GPD2: variants seen among roughly 807,000 people sequenced by gnomAD.
The protein encoded by GPD2 is glycerol-3-phosphate dehydrogenase, mitochondrial.
GPD2 carries 54 observed loss-of-function variants against 82.4 expected under a neutral mutation model. The observed-to-expected ratio is 0.66, with a 90% CI of 0.53 to 0.82. The LOEUF (loss-of-function observed/expected upper bound fraction) is 0.82. GPD2 is among the 40% of genes least tolerant of loss of function. GPD2 has a pLI of 0.00. For synonymous variants in GPD2, 288 were observed against 306.1 expected, an observed-to-expected ratio of 0.94 and a Z score of 0.62; for missense variants, 748 against 896.2, an observed-to-expected ratio of 0.83 and a Z score of 2.11.
chr2:156,543,807 T>C (rs1466842445), intron 6 of GPD2, among the ~76,000 whole-genome samples: 3 of 152,142 alleles, frequency 2.0e-5, no homozygotes, highest in Admixed American at 6.5e-5. Flanking sequence ...GTGGTGGGCA[T>C]TGAGGCTGTT....
rs143845551 is a variant in GPD2, at chr2:156,489,687, T to TCTTCCTTC, written c.103-6326_103-6319dup. 3.3e-3 allele frequency among the ~76,000 whole-genome samples: 357 copies of TCTTCCTTC among 109,172 alleles called. 10 individuals are homozygous for TCTTCCTTC. Among genetic ancestry groups the TCTTCCTTC allele is most frequent in the African/African-American group, 0.013 (332 of 25,150 alleles). 71.6% of individuals were successfully genotyped at this position (109,172 alleles called of 152,430 possible). On this transcript the variant is annotated intron_variant, in intron 2 of 16. Coordinates refer to ENST00000438166, the MANE Select transcript of GPD2 (RefSeq NM_000408.5). ...CAGGACATAGAGTTTTTTCCTTCCT[T>TCTTCCTTC]CTTCCTTCCTTCCTTCCTTCCTTCC...
the GPD2 span, among the ~76,000 whole-genome samples, chr2:156,410,062 G>A: frequency 1.1e-4 from 16 of 152,210 alleles, no homozygotes; most frequent in Non-Finnish European, 2.4e-4. Context: ...AAGAAAAAAG[G>A]AAGGCTTATA....
chr2:156,514,363 A>C (rs568367831), intron 6 of GPD2, among the ~76,000 whole-genome samples: 2 of 152,144 alleles, frequency 1.3e-5, no homozygotes, highest in Admixed American at 1.3e-4. Context: ...AAAGTCCTAA[A>C]AATTTTGTGA....
chr2:156,506,753 A>C (rs967704775), intron 3 of GPD2, among the ~76,000 whole-genome samples: 6 of 151,660 alleles, frequency 4.0e-5, no homozygotes, highest in African/African-American at 1.2e-4. Flanking sequence ...TCCTACCTCT[A>C]CCCCTCATTC....
chr2:156,405,457 A>C, the GPD2 span, among the ~76,000 whole-genome samples: 3 of 152,248 alleles, frequency 2.0e-5, no homozygotes, highest in African/African-American at 4.8e-5. Flanking sequence ...CTGAGGACGC[A>C]GCCTTAGGGA....
At chr2:156,410,191 C>A in the GPD2 span, among the ~76,000 whole-genome samples, 2 of 152,222 alleles carry the variant, frequency 1.3e-5, no homozygotes, top group Non-Finnish European at 2.9e-5. Context: ...AAGGGCAGCA[C>A]GTCTCACACA....
chr2:156,484,893 A>G (rs892575073), intron 2 of GPD2, among the ~76,000 whole-genome samples: 2 of 152,098 alleles, frequency 1.3e-5, no homozygotes, highest in African/African-American at 4.8e-5. Context: ...CTTGAGCATA[A>G]CTGAAACTCT....
At chr2:156,435,455 G>C (rs1688396733), upstream of GPD2, 1 of 150,148 alleles carries the variant, frequency 6.7e-6, no homozygotes, top group African/African-American at 2.4e-5. Context: ...TTTTTTTTGG[G>C]TGGCGGGGGG....
intron 8 of GPD2, 144 bp from the exon 9 acceptor site, chr2:156,557,245 A>C: frequency 1.5e-6 from 1 of 661,494 alleles, no homozygotes; most frequent in Non-Finnish European, 2.7e-6. Context: ...GAGTTTCTAG[A>C]TTAGGGTAGG....
intron 1 of GPD2, among the ~76,000 whole-genome samples, chr2:156,459,686 C>CAAAAAAAAAAAAAAAAAAAAAAAAAAAAA (rs564494059): frequency 2.6e-5 from 1 of 38,788 alleles, no homozygotes; most frequent in Non-Finnish European, 4.5e-5. Flanking sequence ...GACTCCGTCT[C>CAAAAAAAAAAAAAAAAAAAAAAAAAAAAA]AAAAAAAAAA....
At chr2:156,560,518 C>G (rs185122075) in intron 9 of GPD2, among the ~76,000 whole-genome samples, 2 of 152,298 alleles carry the variant, frequency 1.3e-5, no homozygotes, top group Non-Finnish European at 2.9e-5. Context: ...CTTTCCTAGA[C>G]TTTATTGATT....
intron 6 of GPD2, among the ~76,000 whole-genome samples, chr2:156,544,917 C>T (rs779792269): frequency 1.3e-5 from 2 of 152,168 alleles, no homozygotes; most frequent in South Asian, 2.1e-4. Context: ...TCCCTGACCC[C>T]GTCACTCCTC....
chr2:156,575,523 C>T lies in GPD2; in HGVS notation c.1768-3366C>T, dbSNP rs146416967. Among the ~76,000 whole-genome samples, 1,255 of 151,250 alleles carry T rather than the reference C, an allele frequency of 8.3e-3. 18 individuals carry two copies. Among genetic ancestry groups the T allele is most frequent in the African/African-American group, 0.029 (1,189 of 41,196 alleles). ...GCTTAGGTGATTCTCCCACCTCAGC[C>T]TCCCAAGTAGCTGGGACTACAGGCA... is the stretch of plus-strand genomic sequence containing the variant. On this transcript the variant is annotated intron_variant, in intron 13 of 16. Transcript: ENST00000438166.
At chr2:156,408,529 C>T in the GPD2 span, among the ~76,000 whole-genome samples, 2 of 151,620 alleles carry the variant, frequency 1.3e-5, no homozygotes, top group Non-Finnish European at 2.9e-5. Context: ...AGTTTGAGAC[C>T]AGTCTGGGCA....
At position 156,549,739 on chromosome 2, in the gene GPD2, G is replaced by T. The variant is rs764831837; in HGVS notation, c.793G>T (p.Val265Leu). 1 of 1,613,916 alleles carries T rather than the reference G, an allele frequency of 6.2e-7. No individual in the cohort carries two copies. The highest frequency in any genetic ancestry group is 1.3e-5 in the African/African-American group (1 of 74,956). The change falls in exon 7 of 17, where the codon GTG (valine) becomes TTG (leucine). Residue 265 changes from valine to leucine, a missense_variant. Physicochemically the swap from Val to Leu is conservative, Grantham distance 32. Coordinates refer to ENST00000438166, the MANE Select transcript of GPD2 (RefSeq NM_000408.5). The stretch of plus-strand genomic sequence containing the variant: ...AGACCCCCAGACAGGGAAAGTGCGT[G>T]TGAGCGGCGCACGGTGCAAGGATGT... ...KTDPQTGKVR[V>L]SGARCKDVLT... is the part of the protein sequence containing the mutation.
chr2:156,462,571 G>A (rs1683027208), intron 1 of GPD2, among the ~76,000 whole-genome samples: 1 of 151,786 alleles, frequency 6.6e-6, no homozygotes, highest in South Asian at 2.1e-4. Context: ...CAAAGTGCTG[G>A]GATTACAGGC....
chr2:156,567,087 A>G (rs370622858), intron 9 of GPD2, among the ~76,000 whole-genome samples: 41 of 151,398 alleles, frequency 2.7e-4, no homozygotes, highest in Admixed American at 3.3e-4. Flanking sequence ...GCATTTTAGG[A>G]ATTTCTCATA....
At chr2:156,509,791 T>A (rs925064928) in intron 3 of GPD2, among the ~76,000 whole-genome samples, 9 of 122,142 alleles carry the variant, frequency 7.4e-5, no homozygotes, top group African/African-American at 2.7e-4. Flanking sequence ...TTTTATTTCC[T>A]GAGATGGAGT....
At chr2:156,418,167 A>G in the GPD2 span, among the ~76,000 whole-genome samples, 28,037 of 151,806 alleles carry the variant, frequency 0.18, 3,154 homozygotes, top group Non-Finnish European at 0.24. Context: ...GTGCGCGGAG[A>G]TTGAGCCACT....
Sources: gnomAD v4.1 joint callset for allele counts (sites outside exome capture counted in the v4.1 genomes callset) on GRCh38, gnomAD v4.1.1 for gene constraint, MANE v1.5 for transcripts, NCBI Gene and HGNC (gene_info 2026-07-23, HGNC 2026-07-21) for gene names.